Variants in SFTPD observed in about 807,000 individuals in gnomAD.
SFTPD encodes the protein surfactant protein D, also known as pulmonary surfactant-associated protein D.
In SFTPD, 18 loss-of-function variants were observed where a neutral mutation model predicts 34.6. The observed-to-expected ratio is 0.52, with a 90% CI of 0.36 to 0.77. SFTPD has a LOEUF of 0.77. SFTPD is among the 30% of genes least tolerant of loss of function. The pLI is 0.00. For synonymous variants in SFTPD, 155 were observed against 180.9 expected, an observed-to-expected ratio of 0.86 and a Z score of 1.15; for missense variants, 433 against 468.9, an observed-to-expected ratio of 0.92 and a Z score of 0.71.
At chr10:79,952,735 A>AAT (rs140854453), upstream of SFTPD, among the ~76,000 whole-genome samples, 102,218 of 133,314 alleles carry the variant, frequency 0.77, 35,638 homozygotes, top group African/African-American at 0.88. Flanking sequence ...CCTTGGGAAG[A>AAT]ACAGACCCAC....
In SFTPD at chr10:79,946,462, T is replaced by C; in HGVS notation, c.198A>G (p.Pro66=). ...REGPRGEKGD[P]GLPGAAGQAG... ...GATAAGCCCAGGGCCCCACCCTACC[T>C]GGGTCCCCCTTCTCGCCCCGAGGGC... The change falls in exon 2 of 8, where the codon CCA becomes CCG. Residue 66 remains proline, a splice_region_variant and synonymous_variant. Coordinates refer to ENST00000372292, the MANE Select transcript of SFTPD (RefSeq NM_003019.5). The C allele has an allele frequency of 6.2e-7, 1 of 1,613,030 alleles. No homozygotes were observed. Among genetic ancestry groups the C allele is most frequent in the Non-Finnish European group, 8.5e-7 (1 of 1,179,194 alleles).
intron 7 of SFTPD, 40 bp downstream of exon 7, chr10:79,940,665 A>G (rs1371881287): frequency 1.7e-5 from 23 of 1,318,198 alleles, no homozygotes; most frequent in South Asian, 2.4e-5. Context: ...TGTGGGGCCC[A>G]ATGCCAGTGC....
intron 1 of SFTPD, among the ~76,000 whole-genome samples, chr10:79,954,999 C>A (rs550118031): frequency 1.3e-5 from 2 of 152,318 alleles, no homozygotes; most frequent in East Asian, 1.9e-4. Context: ...TTCCTTTCAA[C>A]CCCCACATCC....
Position 79,959,666 on chromosome 10 carries a change from C to A in SFTPD, c.37-13004G>T, listed in dbSNP as rs576406532. On this transcript the variant is annotated intron_variant, in intron 1 of 5. Coordinates refer to the SFTPD transcript ENST00000444384. The stretch of plus-strand genomic sequence containing the variant: ...TGGCAATAATCAATAGCTTACCAAC[C>A]AAAAAAAGTCCAGGACCAGATGGAT... 2.7e-3 allele frequency among the ~76,000 whole-genome samples: 407 copies of A among 152,086 alleles called. 2 individuals are homozygous for A. The highest frequency in any genetic ancestry group is 9.5e-3 in the African/African-American group (395 of 41,498).
rs17884943 is a variant in SFTPD, at chr10:79,939,284, C to T, written c.752-1056G>A. Among the ~76,000 whole-genome samples, 680 of 152,330 alleles carry T rather than the reference C, an allele frequency of 4.5e-3. 5 individuals carry two copies. Among genetic ancestry groups the T allele is most frequent in the African/African-American group, 0.016 (655 of 41,572 alleles). ...ACTGGAAGCTCCAGAGAAGGCTGTG[C>T]CCCTGGCTTTGTTGGGCTGCTCAGA... On this transcript the variant is annotated intron_variant, in intron 7 of 7. Coordinates refer to ENST00000372292, the MANE Select transcript of SFTPD (RefSeq NM_003019.5).
chr10:79,973,403 A>G (rs371074977), intron 1 of SFTPD, among the ~76,000 whole-genome samples: 2 of 151,898 alleles, frequency 1.3e-5, no homozygotes, highest in South Asian at 2.1e-4. Context: ...GTGAATCACA[A>G]TGTCAGGAGT....
chr10:79,974,319 C>A (rs910659685), intron 1 of SFTPD, among the ~76,000 whole-genome samples: 1 of 152,010 alleles, frequency 6.6e-6, no homozygotes, highest in African/African-American at 2.4e-5. Context: ...AGGCACCTGC[C>A]ACCACGCCCA....
chr10:79,945,004 C>A (rs765698233), intron 2 of SFTPD, among the ~76,000 whole-genome samples: 12 of 151,964 alleles, frequency 7.9e-5, no homozygotes, highest in Non-Finnish European at 1.8e-4. Flanking sequence ...GGGAACCCAG[C>A]CCTCAGACCT....
chr10:79,969,289 C>T (rs918882123), intron 1 of SFTPD: 2 of 152,086 alleles, frequency 1.3e-5, no homozygotes, highest in African/African-American at 4.8e-5. Flanking sequence ...GCCTGACCAA[C>T]ATGGTGAAAC....
At chr10:79,979,547 A>G (rs1842879962) in intron 1 of SFTPD, among the ~76,000 whole-genome samples, 1 of 152,248 alleles carries the variant, frequency 6.6e-6, no homozygotes, top group African/African-American at 2.4e-5. Flanking sequence ...GAATGCTGTC[A>G]CAGCAGAAAG....
intron 1 of SFTPD, among the ~76,000 whole-genome samples, chr10:79,961,270 G>A (rs1303143152): frequency 1.3e-5 from 2 of 152,114 alleles, no homozygotes; most frequent in Non-Finnish European, 1.5e-5. Context: ...CAAAAGCAAT[G>A]GCAACAAAAG....
At chr10:79,976,244 C>A (rs1171106339) in intron 1 of SFTPD, among the ~76,000 whole-genome samples, 1 of 152,144 alleles carries the variant, frequency 6.6e-6, no homozygotes, top group African/African-American at 2.4e-5. Flanking sequence ...TTTGGGGAAA[C>A]TTGAATTGCC....
rs1361366440 is a variant in SFTPD, at chr10:79,969,473, C to CAAAAA, written c.36+13101_36+13102insTTTTT. 7.4e-5 allele frequency: 11 copies of CAAAAA among 147,944 alleles called. No homozygotes were observed. In the East Asian group the frequency reaches 1.6e-3, roughly 21 times the overall value. The allele number at this position is 147,944 out of a possible 1,614,324, so 9.2% of individuals were successfully genotyped here. ...TAGGGGAAAGAGCAAAACTCCGTCT[C>CAAAAA]AAAAGAAAAAAAAAATCTGGATATT... On this transcript the variant is annotated intron_variant, in intron 1 of 5. Transcript: ENST00000444384.
chr10:79,976,647 C>T (rs1418824218), intron 1 of SFTPD, among the ~76,000 whole-genome samples: 1 of 152,196 alleles, frequency 6.6e-6, no homozygotes, highest in Non-Finnish European at 1.5e-5. Context: ...TTTCCACCTC[C>T]CCCTTCTGAG....
At chr10:79,944,313 G>A (rs1283824055) in intron 2 of SFTPD, among the ~76,000 whole-genome samples, 1 of 152,198 alleles carries the variant, frequency 6.6e-6, no homozygotes, top group Non-Finnish European at 1.5e-5. Context: ...CATTAAAAAT[G>A]TACAACATAT....
In SFTPD at chr10:79,982,045, G is replaced by A. The variant is rs532907935; in HGVS notation, c.36+530C>T. 284 of 296,142 alleles carry A rather than the reference G, an allele frequency of 9.6e-4. 2 individuals are homozygous for A. The highest frequency in any genetic ancestry group is 5.6e-3 in the African/African-American group (248 of 44,396). 18.3% of individuals were successfully genotyped at this position (296,142 alleles called of 1,614,324 possible). ...GGGCGCCGACTTCCCCTGGGGCGGC[G>A]GCCCTGGACGTGCGGGGGGTCTCTC... On this transcript the variant is annotated intron_variant, in intron 1 of 5. Transcript: ENST00000444384.
intron 1 of SFTPD, among the ~76,000 whole-genome samples, chr10:79,979,661 A>C (rs1842880522): frequency 6.6e-6 from 1 of 152,250 alleles, no homozygotes; most frequent in African/African-American, 2.4e-5. Flanking sequence ...GGATAGACCC[A>C]CCACCATGGG....
At chr10:79,946,741 G>A in intron 1 of SFTPD, 79 bp from the exon 2 acceptor site, 8 of 1,285,464 alleles carry the variant, frequency 6.2e-6, no homozygotes, top group African/African-American at 1.5e-5. Flanking sequence ...GCTTCTAGAG[G>A]TGACAAGAAG....
intron 1 of SFTPD, among the ~76,000 whole-genome samples, chr10:79,978,993 C>T (rs1015752939): frequency 5.9e-5 from 9 of 152,134 alleles, no homozygotes; most frequent in South Asian, 4.2e-4. Context: ...TAAATAAATT[C>T]GGTAAAGTTT....
Sources: allele counts gnomAD v4.1 joint callset (sites outside exome capture counted in the v4.1 genomes callset), GRCh38; gene constraint gnomAD v4.1.1; transcripts MANE v1.5; gene names NCBI Gene and HGNC (gene_info 2026-07-23, HGNC 2026-07-21).